The following RUNX3 variants were observed in gnomAD, a reference collection of about 807,000 sequenced individuals.
RUNX3 encodes the protein RUNX family transcription factor 3.
A neutral mutation model predicts 27.7 loss-of-function variants in RUNX3; 10 were observed. The observed-to-expected ratio is 0.36, with a 90% CI of 0.22 to 0.61. The LOEUF (loss-of-function observed/expected upper bound fraction) is 0.61, where lower values mean the gene tolerates loss of function less well. RUNX3 is among the 20% of genes least tolerant of loss of function. RUNX3 has a pLI of 0.72. For missense variants in RUNX3, 469 were observed against 629.5 expected (o/e 0.75, Z 2.73); for synonymous variants, 270 against 269.2 (o/e 1.00, Z -0.03).
Position 24,927,605 on chromosome 1 carries a change from G to A in RUNX3, c.408C>T (p.Asn136=), listed in dbSNP as rs752187651. ...CACTGCGGCCCACGAAGCGAAGGTC[G>A]TTGAACCTGGCCACCTGGTTCTTCA... is the stretch of plus-strand genomic sequence containing the variant. The part of the protein sequence containing the change: ...AVMKNQVARF[N]DLRFVGRSGR... The change falls in exon 2 of 5, where the codon AAC becomes AAT. Residue 136 remains asparagine (N), a synonymous_variant. Coordinates refer to ENST00000308873, the MANE Select transcript of RUNX3 (RefSeq NM_004350.3). This position sits in a 1 kb window ranked among gnomAD's most constrained non-coding sequence, Gnocchi z 5.0. 1.4e-5 allele frequency: 22 copies of A among 1,614,026 alleles called. No individual in the cohort carries two copies. In the South Asian group the frequency reaches 1.5e-4, roughly 11 times the overall value.
chr1:24,921,526 C>T (rs960046980), intron 2 of RUNX3, among the ~76,000 whole-genome samples: 1 of 152,248 alleles, frequency 6.6e-6, no homozygotes, highest in African/African-American at 2.4e-5. Flanking sequence ...TGGTCTCCCA[C>T]TCTCAGGTCA....
chr1:24,959,660 C>G (rs4648888), intron 2 of RUNX3, among the ~76,000 whole-genome samples: 1 of 151,938 alleles, frequency 6.6e-6, no homozygotes, highest in Non-Finnish European at 1.5e-5. Flanking sequence ...GGAAAGGATA[C>G]AGTGACTGAC....
Position 24,906,857 on chromosome 1 carries a change from G to A in RUNX3, c.703+402C>T, listed in dbSNP as rs370755228. 1.2e-4 allele frequency among the ~76,000 whole-genome samples: 18 copies of A among 152,350 alleles called. No individual in the cohort carries two copies. The East Asian group carries it at 2.3e-3, about 20-fold the overall frequency. The stretch of plus-strand genomic sequence containing the variant: ...CATCCGCCCCAATCCACTTTCAGAT[G>A]AAAAATCGCAGGCTGTGGGGCAGGG... On this transcript the variant is annotated intron_variant, in intron 4 of 4. Transcript: ENST00000308873.
intron 4 of RUNX3, among the ~76,000 whole-genome samples, chr1:24,906,156 C>T (rs988094849): frequency 2.0e-5 from 3 of 152,228 alleles, no homozygotes; most frequent in African/African-American, 7.2e-5. Flanking sequence ...CAGCGTGGCA[C>T]CGGAAAAGGG....
rs531717359 is a variant in RUNX3, at chr1:24,924,753, ATAGG to A, written c.439+2817_439+2820del. On this transcript the variant is annotated intron_variant, in intron 2 of 4. Coordinates refer to ENST00000308873, the MANE Select transcript of RUNX3 (RefSeq NM_004350.3). Reference sequence around the variant, plus strand: ...TAACATAGTTTGCAACTGCATGTAAATAGGTAGGTTTCATTATTTATACATTTCA... The same window carrying A: ...TAACATAGTTTGCAACTGCATGTAAATAGGTTTCATTATTTATACATTTCA... 2.6e-5 allele frequency among the ~76,000 whole-genome samples: 4 copies of A among 152,294 alleles called. No homozygotes were observed. In the South Asian group the frequency reaches 8.3e-4, roughly 32 times the overall value.
intron 2 of RUNX3, among the ~76,000 whole-genome samples, chr1:24,955,311 C>T (rs1312056919): frequency 2.6e-5 from 4 of 152,094 alleles, no homozygotes; most frequent in Admixed American, 1.3e-4. Context: ...AGATATCTTC[C>T]GGGCAGAAGG....
In RUNX3 at chr1:24,929,739, G is replaced by T. The variant is rs1481476314; in HGVS notation, c.130C>A (p.Pro44Thr). 1 of 1,478,570 alleles carries T rather than the reference G, an allele frequency of 6.8e-7. No individual in the cohort carries two copies. Among genetic ancestry groups the T allele is most frequent in the Non-Finnish European group, 8.9e-7 (1 of 1,124,252 alleles). The allele number at this position is 1,478,570 out of a possible 1,614,324, so 91.6% of individuals were successfully genotyped here. A position where few individuals can be genotyped will look rare whatever the true frequency, so the allele number is the denominator to read the frequency against. Residue 44 changes from proline to threonine, a missense_variant, in exon 1 of 5, where the codon CCC (proline) becomes ACC (threonine). Physicochemically the swap from Pro to Thr is conservative, Grantham distance 38. Coordinates refer to ENST00000308873, the MANE Select transcript of RUNX3 (RefSeq NM_004350.3). ...ACCTCGGGCCGGGCGCGCCCTCCGG[G>T]CCCCACGGCCGCCTGCGCGCTCAGC... Reference protein sequence around the residue: ...GALSAQAAVGPGGRARPEVRS... With the variant: ...GALSAQAAVGTGGRARPEVRS...
At chr1:24,960,220 A>G (rs909853389) in intron 2 of RUNX3, among the ~76,000 whole-genome samples, 15 of 152,240 alleles carry the variant, frequency 9.9e-5, no homozygotes, top group Non-Finnish European at 1.8e-4. Context: ...GGCTCCCAGT[A>G]CAAGGCCATG....
At position 24,904,945 on chromosome 1, in the gene RUNX3, G is replaced by A. The variant is rs1046233570; in HGVS notation, c.704-2279C>T. 4.6e-5 allele frequency among the ~76,000 whole-genome samples: 7 copies of A among 152,200 alleles called. No individual in the cohort carries two copies. Among genetic ancestry groups the A allele is most frequent in the Non-Finnish European group, 1.0e-4 (7 of 68,032 alleles). On this transcript the variant is annotated intron_variant, in intron 4 of 4. Coordinates refer to ENST00000308873, the MANE Select transcript of RUNX3 (RefSeq NM_004350.3). The surrounding 1 kb of genome is among the most constrained non-coding windows in gnomAD (Gnocchi z 5.7). The stretch of plus-strand genomic sequence containing the variant: ...GCCAATCCCAACAGTGGAAAGAAAT[G>A]TTTATTTTCTTCTCCAGATTGTCCG...
chr1:24,902,496 GGCT>G lies in RUNX3; in HGVS notation c.871_873del (p.Ser291del). 1 of 1,599,912 alleles carries G rather than the reference GGCT, an allele frequency of 6.3e-7. No homozygotes were observed. Among genetic ancestry groups the G allele is most frequent in the East Asian group, 2.2e-5 (1 of 44,506 alleles). Reference sequence around the variant, plus strand: ...GTGGCCGGCATGCCCGCCACGCTGAGGCTGCTGATGCTCGTGCCCGAGGGCGTG... The same window carrying G: ...GTGGCCGGCATGCCCGCCACGCTGAGGCTGATGCTCGTGCCCGAGGGCGTG... On this transcript the variant is annotated inframe_deletion, in exon 5 of 5. Transcript: ENST00000308873. The surrounding 1 kb of genome is among the most constrained non-coding windows in gnomAD (Gnocchi z 9.2).
chr1:24,927,958 A>G lies in RUNX3; in HGVS notation c.283-228T>C, dbSNP rs1350945808. Among the ~76,000 whole-genome samples the G allele has an allele frequency of 6.6e-6, 1 of 152,232 alleles. No individual in the cohort carries two copies. The highest frequency in any genetic ancestry group is 1.5e-5 in the Non-Finnish European group (1 of 68,046). On this transcript the variant is annotated intron_variant, in intron 1 of 4. Transcript: ENST00000308873. The surrounding 1 kb of genome is among the most constrained non-coding windows in gnomAD (Gnocchi z 5.0). ...AGCTTCCACACCAAAATCCTAGATCAACTGCTTACATAAACTGTGTCCCAA... is the reference window on the plus strand; with the variant it reads ...AGCTTCCACACCAAAATCCTAGATCGACTGCTTACATAAACTGTGTCCCAA...
intron 3 of RUNX3, among the ~76,000 whole-genome samples, chr1:24,907,959 C>CACACGCGGTGATCTAAACCTCTACA (rs1557837062): frequency 8.1e-6 from 1 of 123,332 alleles, no homozygotes; most frequent in East Asian, 2.5e-4. Context: ...AAACCTCAAC[C>CACACGCGGTGATCTAAACCTCTACA]ACACGCGGTG....
intron 2 of RUNX3, among the ~76,000 whole-genome samples, chr1:24,956,897 C>G (rs553047548): frequency 6.6e-6 from 1 of 152,328 alleles, no homozygotes; most frequent in Admixed American, 6.5e-5. Context: ...TCTGCTCCAG[C>G]CTTTTAACTC....
At chr1:24,953,297 G>C (rs201530537) in intron 2 of RUNX3, among the ~76,000 whole-genome samples, 4 of 149,640 alleles carry the variant, frequency 2.7e-5, no homozygotes, top group Non-Finnish European at 1.5e-5. Flanking sequence ...CCCAGGAGGC[G>C]GAGCTTGCAG....
At position 24,920,768 on chromosome 1, in the gene RUNX3, C is replaced by T. The variant is rs539957510; in HGVS notation, c.440-1424G>A. Among the ~76,000 whole-genome samples, 449 of 152,260 alleles carry T rather than the reference C, an allele frequency of 2.9e-3. 4 individuals are homozygous for T. The highest frequency in any genetic ancestry group is 9.7e-3 in the African/African-American group (405 of 41,540). On this transcript the variant is annotated intron_variant, in intron 2 of 4. Coordinates refer to ENST00000308873, the MANE Select transcript of RUNX3 (RefSeq NM_004350.3). ...GTTCTTCTATCGTTTTATGTTCAGA[C>T]GGGTTTCTCCGTGTAGAAAGCAGTT...
intron 2 of RUNX3, among the ~76,000 whole-genome samples, chr1:24,947,784 G>A (rs901410511): frequency 2.6e-5 from 4 of 152,186 alleles, no homozygotes; most frequent in Non-Finnish European, 4.4e-5. Context: ...GGAGCTCCCC[G>A]CAGATCACAG....
rs978686625 is a variant in RUNX3, at chr1:24,949,868, G to C, written c.58+14646C>G. Among the ~76,000 whole-genome samples, 7 of 152,338 alleles carry C rather than the reference G, an allele frequency of 4.6e-5. No individual in the cohort carries two copies. The East Asian group carries it at 1.2e-3, about 25-fold the overall frequency. On this transcript the variant is annotated intron_variant, in intron 2 of 6. Transcript: ENST00000338888. ...TGGCTCAGAGCATGGGGCCACCCCA[G>C]GAGGGGTCAGCATAGCTGAGCTCAG...
At chr1:24,921,510 C>G (rs922322170) in intron 2 of RUNX3, among the ~76,000 whole-genome samples, 2 of 152,204 alleles carry the variant, frequency 1.3e-5, no homozygotes, top group African/African-American at 2.4e-5. Context: ...CAGGTCAGAA[C>G]AGACCTGGTC....
intron 2 of RUNX3, among the ~76,000 whole-genome samples, chr1:24,921,480 T>C (rs984382463): frequency 6.6e-5 from 10 of 152,190 alleles, no homozygotes; most frequent in Admixed American, 3.3e-4. Context: ...AAATTCTGAC[T>C]GCACTTGCCC....
Sources: allele counts gnomAD v4.1 joint callset (sites outside exome capture counted in the v4.1 genomes callset), GRCh38; gene constraint gnomAD v4.1.1; non-coding constraint Gnocchi (gnomAD v3.1); transcripts MANE v1.5; gene names NCBI Gene and HGNC (gene_info 2026-07-23, HGNC 2026-07-21).